Variants in KIFAP3 observed in about 807,000 individuals in gnomAD.
The protein encoded by KIFAP3 is kinesin-associated protein 3.
In KIFAP3, 68 loss-of-function variants were observed where a neutral mutation model predicts 106.5. That is an observed-to-expected ratio of 0.64 (90% CI 0.53 to 0.78). KIFAP3 has a LOEUF of 0.78. KIFAP3 is among the 30% of genes least tolerant of loss of function. The pLI is 0.00. For synonymous variants in KIFAP3, 320 were observed against 311.5 expected (o/e 1.03, Z -0.29); for missense variants, 780 against 941.8 (o/e 0.83, Z 2.25).
At chr1:170,048,331 T>C (rs551127263) in intron 2 of KIFAP3, among the ~76,000 whole-genome samples, 190 of 151,196 alleles carry the variant, frequency 1.3e-3, no homozygotes, top group Middle Eastern at 3.4e-3. Flanking sequence ...ACCTTTTAAG[T>C]CCTTTAATTT....
At position 170,055,409 on chromosome 1, in the gene KIFAP3, T is replaced by A. The variant is rs777368270; in HGVS notation, c.60A>T (p.Val20=). The part of the protein sequence containing the change: ...KRKVKGGNID[V]HPSEKALIVH... ...CAATGAGTGCTTTTTCTGATGGATG[T>A]ACATCTATATTCCCTCCTTTAACTT... Residue 20 remains valine, a synonymous_variant, in exon 2 of 20, where the codon GTA becomes GTT. Coordinates refer to ENST00000361580, the MANE Select transcript of KIFAP3 (RefSeq NM_014970.4). 6.2e-7 allele frequency: 1 copy of A among 1,603,892 alleles called. No homozygotes were observed. Among genetic ancestry groups the A allele is most frequent in the Admixed American group, 1.7e-5 (1 of 58,958 alleles).
intron 16 of KIFAP3, among the ~76,000 whole-genome samples, chr1:169,973,807 T>C (rs1291776729): frequency 6.6e-6 from 1 of 151,846 alleles, no homozygotes; most frequent in African/African-American, 2.4e-5. Context: ...CCATAGATAA[T>C]ATTCACTAAG....
At chr1:169,934,661 G>C (rs1461580344) in intron 19 of KIFAP3, among the ~76,000 whole-genome samples, 1 of 152,112 alleles carries the variant, frequency 6.6e-6, no homozygotes, top group African/African-American at 2.4e-5. Flanking sequence ...CTGACAATCT[G>C]GCACTTATAA....
intron 1 of KIFAP3, among the ~76,000 whole-genome samples, chr1:170,059,009 C>G (rs972824226): frequency 2.6e-5 from 4 of 152,134 alleles, no homozygotes; most frequent in Non-Finnish European, 4.4e-5. Flanking sequence ...CTCTGGGACA[C>G]ATTTAAAGCA....
intron 9 of KIFAP3, among the ~76,000 whole-genome samples, chr1:170,018,830 T>A (rs1450872847): frequency 1.3e-5 from 2 of 151,824 alleles, no homozygotes; most frequent in African/African-American, 2.4e-5. Flanking sequence ...AACACCTGAT[T>A]TTTCCTTCAG....
chr1:170,056,596 C>A (rs959313822), intron 1 of KIFAP3, among the ~76,000 whole-genome samples: 62 of 152,222 alleles, frequency 4.1e-4, no homozygotes, highest in Admixed American at 1.0e-3. Context: ...TATGACAACA[C>A]CTTAAATTTA....
chr1:170,071,599 T>C (rs1671707311), intron 1 of KIFAP3, among the ~76,000 whole-genome samples: 1 of 152,186 alleles, frequency 6.6e-6, no homozygotes, highest in Non-Finnish European at 1.5e-5. Flanking sequence ...CCAAGGGTCT[T>C]CCTGGCTTTA....
chr1:169,945,857 C>T (rs1329135740), intron 19 of KIFAP3, among the ~76,000 whole-genome samples: 8 of 152,052 alleles, frequency 5.3e-5, no homozygotes, highest in South Asian at 2.1e-4. Flanking sequence ...TTACTAATGC[C>T]GATGTGTGAT....
At chr1:170,053,341 G>T (rs1670670417) in intron 2 of KIFAP3, among the ~76,000 whole-genome samples, 1 of 152,048 alleles carries the variant, frequency 6.6e-6, no homozygotes, top group Admixed American at 6.6e-5. Context: ...AAGAAAATAA[G>T]AGAGGACACA....
intron 10 of KIFAP3, among the ~76,000 whole-genome samples, chr1:169,998,100 C>G (rs1285024481): frequency 6.6e-6 from 1 of 151,322 alleles, no homozygotes. Context: ...CACACACATT[C>G]AGAAATCTCT....
intron 2 of KIFAP3, among the ~76,000 whole-genome samples, chr1:170,053,190 T>C (rs148497148): frequency 1.0e-3 from 155 of 152,298 alleles, no homozygotes; most frequent in African/African-American, 3.5e-3. Context: ...AGCATTCCTA[T>C]ACACCAACAA....
intron 19 of KIFAP3, among the ~76,000 whole-genome samples, chr1:169,952,450 A>G (rs971768964): frequency 1.3e-5 from 2 of 152,082 alleles, no homozygotes; most frequent in Non-Finnish European, 2.9e-5. Flanking sequence ...AAATATATGT[A>G]AACAGTTTAC....
intron 1 of KIFAP3, among the ~76,000 whole-genome samples, chr1:170,062,866 CATTT>C (rs1270737724): frequency 1.3e-5 from 2 of 151,610 alleles, no homozygotes; most frequent in African/African-American, 2.4e-5. Flanking sequence ...TAGAAATAAA[CATTT>C]ATTTATAGTC....
intron 10 of KIFAP3, 67 bp downstream of exon 10, chr1:170,016,395 A>C: frequency 4.7e-6 from 6 of 1,271,268 alleles, no homozygotes; most frequent in Non-Finnish European, 6.7e-6. Flanking sequence ...TTTTCAACAC[A>C]GAGCTCAATT....
intron 19 of KIFAP3, among the ~76,000 whole-genome samples, chr1:169,937,277 A>G (rs142656830): frequency 5.2e-4 from 79 of 151,858 alleles, no homozygotes; most frequent in African/African-American, 1.8e-3. Context: ...AATAAAGGAA[A>G]TTTTAAGTGT....
At chr1:170,063,113 C>A (rs12145614) in intron 1 of KIFAP3, among the ~76,000 whole-genome samples, 1 of 152,012 alleles carries the variant, frequency 6.6e-6, no homozygotes, top group African/African-American at 2.4e-5. Context: ...ATTAGAATTA[C>A]GGGAGGGACC....
At chr1:170,079,152 G>A (rs542254322), upstream of KIFAP3, among the ~76,000 whole-genome samples, 18 of 152,176 alleles carry the variant, frequency 1.2e-4, no homozygotes, top group Non-Finnish European at 1.9e-4. Context: ...TACTGTCCTT[G>A]TGGTAATTAG....
rs556853479 is a variant in KIFAP3 at position 170,020,614 on chromosome 1, A to AT, written c.1020+3803dup. Among the ~76,000 whole-genome samples the AT allele has an allele frequency of 9.6e-4, 146 of 152,174 alleles. 1 individual carries two copies. The highest frequency in any genetic ancestry group is 3.3e-3 in the African/African-American group (135 of 41,512). On this transcript the variant is annotated intron_variant, in intron 9 of 19. Coordinates refer to ENST00000361580, the MANE Select transcript of KIFAP3 (RefSeq NM_014970.4). ...AGGTGCCCACCACCATGCCAGGATA[A>AT]TTTTTTGTATTTTTTAGTAGAGATG...
upstream of KIFAP3, chr1:170,074,822 G>C: frequency 9.1e-7 from 1 of 1,104,896 alleles, no homozygotes. Flanking sequence ...GCAGTTTTGA[G>C]CGTCCGTGTA....
Sources: gnomAD v4.1 joint callset for allele counts (sites outside exome capture counted in the v4.1 genomes callset) on GRCh38, gnomAD v4.1.1 for gene constraint, MANE v1.5 for transcripts, NCBI Gene and HGNC (gene_info 2026-07-23, HGNC 2026-07-21) for gene names.